The following CSRNP3 variants were observed in gnomAD, a reference collection of about 807,000 sequenced individuals.
CSRNP3 encodes the protein cysteine/serine-rich nuclear protein 3.
In CSRNP3, 12 loss-of-function variants were observed where a neutral mutation model predicts 48.0. The ratio of observed to expected loss-of-function variants is 0.25; its 90% CI spans 0.16 to 0.41. The LOEUF is 0.41. Ranked by LOEUF, CSRNP3 falls within the 10% of genes least tolerant of loss-of-function variation. The pLI, the probability that CSRNP3 is intolerant of heterozygous loss-of-function variation, is 1.00. For synonymous variants in CSRNP3, 263 were observed against 269.7 expected (o/e 0.98, Z 0.24); for missense variants, 580 against 724.4 (o/e 0.80, Z 2.29).
Position 165,684,416 on chromosome 2 carries a change from G to T in CSRNP3, c.*4663G>T, listed in dbSNP as rs569834434. On this transcript the variant is annotated 3_prime_UTR_variant, in exon 7 of 7. Coordinates refer to ENST00000651982, the MANE Select transcript of CSRNP3 (RefSeq NM_001172173.2). ...TTCCTTATTCTCTTGATGACAGTTT[G>T]CAGTGCCATTATAGCCAGTGTATTA... The T allele has an allele frequency of 1.1e-4, 17 of 152,146 alleles. No individual in the cohort carries two copies. Among genetic ancestry groups the T allele is most frequent in the African/African-American group, 3.4e-4 (14 of 41,526 alleles). 9.4% of individuals were successfully genotyped at this position (152,146 alleles called of 1,614,324 possible).
intron 3 of CSRNP3, among the ~76,000 whole-genome samples, chr2:165,565,195 T>G (rs544662495): frequency 6.6e-6 from 1 of 152,108 alleles, no homozygotes; most frequent in South Asian, 2.1e-4. Flanking sequence ...GGCCATAATA[T>G]TCCAATAAAA....
At chr2:165,564,700 T>C (rs1244193725) in intron 3 of CSRNP3, among the ~76,000 whole-genome samples, 1 of 152,052 alleles carries the variant, frequency 6.6e-6, no homozygotes, top group Non-Finnish European at 1.5e-5. Context: ...CTTATTGTTT[T>C]TACAAAATCA....
intron 1 of CSRNP3, among the ~76,000 whole-genome samples, chr2:165,486,127 A>C (rs1029477960): frequency 2.0e-5 from 3 of 152,218 alleles, no homozygotes; most frequent in Non-Finnish European, 2.9e-5. Context: ...GCATTGCCTC[A>C]CCTGGGAAGC....
At chr2:165,610,017 G>C (rs1686110434) in intron 4 of CSRNP3, among the ~76,000 whole-genome samples, 1 of 152,118 alleles carries the variant, frequency 6.6e-6, no homozygotes, top group Non-Finnish European at 1.5e-5. Context: ...GTAATAATTG[G>C]CATTTATCGA....
intron 4 of CSRNP3, among the ~76,000 whole-genome samples, chr2:165,637,576 TA>T (rs1357233453): frequency 2.0e-5 from 3 of 152,234 alleles, no homozygotes; most frequent in Non-Finnish European, 4.4e-5. Flanking sequence ...TATGGATCTC[TA>T]TGAATAAGTA....
chr2:165,658,267 G>A (rs1158292880), intron 5 of CSRNP3, among the ~76,000 whole-genome samples: 1 of 152,106 alleles, frequency 6.6e-6, no homozygotes, highest in Non-Finnish European at 1.5e-5. Context: ...CATATGCCCT[G>A]TGCTTGGGCT....
chr2:165,679,611 C>T lies in CSRNP3; in HGVS notation c.1616C>T (p.Ser539Phe). ...VEFHSYLKGP[S>F]QEGFVSALNG... ...TTTCACTCATACTTGAAAGGCCCCTCCCAAGAAGGGTTTGTCTCTGCATTG... is the reference window on the plus strand; with the variant it reads ...TTTCACTCATACTTGAAAGGCCCCTTCCAAGAAGGGTTTGTCTCTGCATTG... The change falls in exon 7 of 7, where the codon TCC becomes TTC. Residue 539 changes from serine (S) to phenylalanine (F), a missense_variant. Around this residue, in one of 4 missense-constraint regions of CSRNP3, gnomAD observed 369 missense variants for 380.8 expected, o/e 0.97. Coordinates refer to ENST00000651982, the MANE Select transcript of CSRNP3 (RefSeq NM_001172173.2). The T allele has an allele frequency of 6.2e-7, 1 of 1,614,104 alleles. No homozygotes were observed. The highest frequency in any genetic ancestry group is 8.5e-7 in the Non-Finnish European group (1 of 1,179,992).
intron 2 of CSRNP3, among the ~76,000 whole-genome samples, chr2:165,507,240 A>C (rs1335977055): frequency 6.6e-6 from 1 of 152,134 alleles, no homozygotes; most frequent in Non-Finnish European, 1.5e-5. Context: ...TATTTTCACT[A>C]TATAGTATAA....
At chr2:165,593,458 A>C (rs919860770) in intron 3 of CSRNP3, among the ~76,000 whole-genome samples, 18 of 152,100 alleles carry the variant, frequency 1.2e-4, no homozygotes, top group African/African-American at 4.3e-4. Flanking sequence ...GGAGCTGAGA[A>C]TTTGCATTTC....
At chr2:165,570,541 T>C (rs1685355152) in intron 3 of CSRNP3, among the ~76,000 whole-genome samples, 1 of 151,906 alleles carries the variant, frequency 6.6e-6, no homozygotes, top group Admixed American at 6.6e-5. Context: ...TTTCTGCTGA[T>C]TCTTTCCTTC....
intron 2 of CSRNP3, among the ~76,000 whole-genome samples, chr2:165,508,984 T>C (rs1684464987): frequency 6.6e-6 from 1 of 152,220 alleles, no homozygotes; most frequent in South Asian, 2.1e-4. Flanking sequence ...GGACTAACAC[T>C]GACTTAACAG....
At chr2:165,651,918 A>G (rs1357073379) in intron 4 of CSRNP3, among the ~76,000 whole-genome samples, 2 of 152,232 alleles carry the variant, frequency 1.3e-5, no homozygotes, top group Non-Finnish European at 2.9e-5. Context: ...GGCCTCTCAA[A>G]GTGCTGGGAT....
intron 3 of CSRNP3, among the ~76,000 whole-genome samples, chr2:165,524,757 T>G (rs919943254): frequency 2.6e-5 from 4 of 152,236 alleles, no homozygotes; most frequent in Non-Finnish European, 2.9e-5. Flanking sequence ...TGCTCTTGCA[T>G]GTATCAATAA....
intron 3 of CSRNP3, among the ~76,000 whole-genome samples, chr2:165,537,519 T>C (rs1389271193): frequency 6.6e-6 from 1 of 151,292 alleles, no homozygotes; most frequent in Non-Finnish European, 1.5e-5. Context: ...CATCAATTAA[T>C]GTGTCAGTTT....
chr2:165,584,379 C>T (rs1194861500), intron 3 of CSRNP3, among the ~76,000 whole-genome samples: 1 of 152,164 alleles, frequency 6.6e-6, no homozygotes, highest in East Asian at 1.9e-4. Flanking sequence ...GGGTTTGAAG[C>T]ACCCTTAGGG....
chr2:165,638,846 T>C (rs1027981186), intron 4 of CSRNP3, among the ~76,000 whole-genome samples: 1 of 152,332 alleles, frequency 6.6e-6, no homozygotes, highest in African/African-American at 2.4e-5. Context: ...AAAAGTACAG[T>C]TGATTCTCAA....
Position 165,681,956 on chromosome 2 carries a change from C to G in CSRNP3, c.*2203C>G, listed in dbSNP as rs1687555516. The G allele has an allele frequency of 6.6e-6, 1 of 151,130 alleles. No individual in the cohort carries two copies. The highest frequency in any genetic ancestry group is 6.6e-5 in the Admixed American group (1 of 15,102). The allele number at this position is 151,130 out of a possible 1,614,324, so 9.4% of individuals were successfully genotyped here. On this transcript the variant is annotated 3_prime_UTR_variant, in exon 7 of 7. Coordinates refer to ENST00000651982, the MANE Select transcript of CSRNP3 (RefSeq NM_001172173.2). ...GAGAAAATGACAAGAGGCTATTGTT[C>G]CTTCATTCAAGCACATGAAAGGATC...
intron 3 of CSRNP3, among the ~76,000 whole-genome samples, chr2:165,575,989 T>G (rs1383385518): frequency 6.6e-6 from 1 of 151,710 alleles, no homozygotes; most frequent in Non-Finnish European, 1.5e-5. Flanking sequence ...TTTCTTTTTA[T>G]GTTGGTCAGA....
At chr2:165,474,953 C>T (rs976052815) in intron 1 of CSRNP3, among the ~76,000 whole-genome samples, 2 of 152,080 alleles carry the variant, frequency 1.3e-5, no homozygotes, top group Non-Finnish European at 2.9e-5. Flanking sequence ...AGTGTGGATA[C>T]AGTTAGTTGC....
Sources: allele counts gnomAD v4.1 joint callset (sites outside exome capture counted in the v4.1 genomes callset), GRCh38; gene constraint gnomAD v4.1.1; regional missense constraint gnomAD v4.1.1; transcripts MANE v1.5; gene names NCBI Gene and HGNC (gene_info 2026-07-23, HGNC 2026-07-21).